Variants in PIWIL1 observed in about 807,000 individuals in gnomAD.
PIWIL1 encodes piwi-like protein 1.
A neutral mutation model predicts 114.4 loss-of-function variants in PIWIL1; 73 were observed. That is an observed-to-expected ratio of 0.64 (90% CI 0.53 to 0.78). PIWIL1 has a LOEUF of 0.78. Ranked by LOEUF, PIWIL1 falls within the 30% of genes least tolerant of loss-of-function variation. PIWIL1 has a pLI of 0.00. For synonymous variants in PIWIL1, 375 were observed against 369.0 expected (o/e 1.02, Z -0.19); for missense variants, 723 against 1,063.1 (o/e 0.68, Z 4.45).
downstream of PIWIL1, among the ~76,000 whole-genome samples, chr12:130,374,390 C>G (rs1227681868): frequency 6.6e-6 from 1 of 152,208 alleles, no homozygotes; most frequent in Non-Finnish European, 1.5e-5. Flanking sequence ...TACAAGATTT[C>G]AAAAGCTAGG....
In PIWIL1 at chr12:130,342,601, AGAGCCC is replaced by A. The variant is rs1391545734; in HGVS notation, c.16_21del (p.Ala9_Arg10del). ...CCAGAAATAGAAAACAATGACTGGG[AGAGCCC>A]GAGCCAGAGCCAGAGGAAGGGCCCG... On this transcript the variant is annotated inframe_deletion, in exon 2 of 21. Coordinates refer to ENST00000245255, the MANE Select transcript of PIWIL1 (RefSeq NM_004764.5). The A allele has an allele frequency of 5.6e-6, 9 of 1,613,092 alleles. No homozygotes were observed. Among genetic ancestry groups the A allele is most frequent in the African/African-American group, 4.0e-5 (3 of 74,944 alleles).
At chr12:130,402,466 T>G in the PIWIL1 span, among the ~76,000 whole-genome samples, 2 of 152,060 alleles carry the variant, frequency 1.3e-5, no homozygotes, top group Admixed American at 6.6e-5. Flanking sequence ...GCCTGGAGGG[T>G]TCCATATAGC....
chr12:130,346,725 C>A, intron 5 of PIWIL1, 141 bp downstream of exon 5: 2 of 862,138 alleles, frequency 2.3e-6, no homozygotes, highest in Non-Finnish European at 3.5e-6. Flanking sequence ...GGTACTTTGG[C>A]ATTATTGTAG....
chr12:130,398,330 G>A, the PIWIL1 span: 2 of 152,340 alleles, frequency 1.3e-5, no homozygotes, highest in African/African-American at 4.8e-5. Context: ...AGCAACTCTT[G>A]CCATGTGAGT....
chr12:130,402,041 C>T, the PIWIL1 span, among the ~76,000 whole-genome samples: 1 of 152,206 alleles, frequency 6.6e-6, no homozygotes, highest in African/African-American at 2.4e-5. Flanking sequence ...CTGGTTATTG[C>T]TCTTGTTCTT....
At chr12:130,393,326 C>T in the PIWIL1 span, among the ~76,000 whole-genome samples, 2 of 146,448 alleles carry the variant, frequency 1.4e-5, no homozygotes, top group Non-Finnish European at 3.0e-5. Context: ...TGTGATGACC[C>T]GGTCACCATC....
the PIWIL1 span, among the ~76,000 whole-genome samples, chr12:130,404,343 G>A: frequency 1.1e-3 from 174 of 152,142 alleles, 1 homozygote; most frequent in Non-Finnish European, 1.2e-4. Flanking sequence ...TGTCACCCAG[G>A]CTGGAGTGCA....
rs1346025251 is a variant in PIWIL1 at position 130,371,609 on chromosome 12, A to G, written c.*11A>G. On this transcript the variant is annotated 3_prime_UTR_variant, in exon 21 of 21. Transcript: ENST00000245255. ...CTTTACTACCTCTAACCTGCAGAAG[A>G]CGATGCAGCCGCTTTTCTTTTTGAA... The G allele has an allele frequency of 6.8e-7, 1 of 1,473,004 alleles. No individual in the cohort carries two copies. The allele number at this position is 1,473,004 out of a possible 1,614,324, so 91.2% of individuals were successfully genotyped here. A position where few individuals can be genotyped will look rare whatever the true frequency, so the allele number is the denominator to read the frequency against.
chr12:130,345,827 C>A lies in PIWIL1; in HGVS notation c.265C>A (p.Leu89Ile), dbSNP rs759159651. ...RGGRRRDFHD[L>I]GVNTRQNLDH... ...AGGTCGTCGTAGAGATTTTCATGAT[C>A]TTGGTGTGAATACAAGGCAGAACCT... The change falls in exon 4 of 21, where the codon CTT becomes ATT. Residue 89 changes from leucine (L) to isoleucine (I), a missense_variant. By Grantham distance (5) the Leu-to-Ile change is conservative. Around this residue, in one of 8 missense-constraint regions of PIWIL1, gnomAD observed 190 missense variants for 294.4 expected, o/e 0.65. Transcript: ENST00000245255. 6.2e-6 allele frequency: 10 copies of A among 1,613,702 alleles called. No individual in the cohort carries two copies. In the South Asian group the frequency reaches 1.1e-4, roughly 18 times the overall value.
At chr12:130,353,318 G>GTT (rs1555228020) in intron 9 of PIWIL1, among the ~76,000 whole-genome samples, 1 of 76,880 alleles carries the variant, frequency 1.3e-5, no homozygotes, top group Non-Finnish European at 3.1e-5. Context: ...GAGGTGTGTG[G>GTT]TTTTTTCTTC....
chr12:130,359,843 T>C (rs183250288), intron 14 of PIWIL1, among the ~76,000 whole-genome samples: 4 of 152,326 alleles, frequency 2.6e-5, no homozygotes, highest in Non-Finnish European at 5.9e-5. Flanking sequence ...AAAATTATGA[T>C]AGGTTCTACT....
the PIWIL1 span, chr12:130,399,177 T>TGAGCAAA: frequency 7.4e-7 from 1 of 1,352,198 alleles, no homozygotes; most frequent in Non-Finnish European, 9.6e-7. Context: ...TCCAAGCAGA[T>TGAGCAAA]GAGCAAAGAA....
At chr12:130,377,790 C>A in the PIWIL1 span, among the ~76,000 whole-genome samples, 1 of 152,228 alleles carries the variant, frequency 6.6e-6, no homozygotes, top group Non-Finnish European at 1.5e-5. Flanking sequence ...CAAGCGGGCA[C>A]TTTGCCCTTG....
chr12:130,412,661 T>C, the PIWIL1 span: 1 of 1,614,040 alleles, frequency 6.2e-7, no homozygotes, highest in South Asian at 1.1e-5. Flanking sequence ...AAGCCCTGTC[T>C]AAGAAGCTGA....
the PIWIL1 span, chr12:130,424,520 C>A: frequency 5.7e-6 from 7 of 1,231,994 alleles, no homozygotes; most frequent in Non-Finnish European, 7.1e-6. The surrounding 1 kb of genome is among the most constrained non-coding windows in gnomAD (Gnocchi z 9.8). Context: ...GGCCGCTGTC[C>A]GGGCTCCGGG....
chr12:130,417,202 A>C, the PIWIL1 span, among the ~76,000 whole-genome samples: 1 of 152,226 alleles, frequency 6.6e-6, no homozygotes, highest in Non-Finnish European at 1.5e-5. Flanking sequence ...TGGAGAACTT[A>C]GAACTACCAT....
chr12:130,394,451 A>G, the PIWIL1 span, among the ~76,000 whole-genome samples: 1 of 152,198 alleles, frequency 6.6e-6, no homozygotes, highest in African/African-American at 2.4e-5. Context: ...TCAAAATTAA[A>G]AATGTTTAGA....
chr12:130,417,541 G>A, the PIWIL1 span, among the ~76,000 whole-genome samples: 6 of 152,114 alleles, frequency 3.9e-5, no homozygotes, highest in Admixed American at 1.3e-4. Flanking sequence ...ACATAGACAC[G>A]AAGATGGGAA....
At chr12:130,415,115 C>A in the PIWIL1 span, among the ~76,000 whole-genome samples, 1 of 152,138 alleles carries the variant, frequency 6.6e-6, no homozygotes, top group Non-Finnish European at 1.5e-5. Context: ...AAACTACAGG[C>A]TAATATCCCT....
Sources: allele counts gnomAD v4.1 joint callset (sites outside exome capture counted in the v4.1 genomes callset), GRCh38; gene constraint gnomAD v4.1.1; regional missense constraint gnomAD v4.1.1; non-coding constraint Gnocchi (gnomAD v3.1); transcripts MANE v1.5; gene names NCBI Gene and HGNC (gene_info 2026-07-23, HGNC 2026-07-21).